The following HIPK1 variants were observed in gnomAD, a reference collection of about 807,000 sequenced individuals.
HIPK1 encodes the protein homeodomain-interacting protein kinase 1.
Under a neutral mutation model 117.1 loss-of-function variants are expected in HIPK1, and 28 were observed. The ratio of observed to expected loss-of-function variants is 0.24; its 90% CI spans 0.18 to 0.33. The LOEUF (loss-of-function observed/expected upper bound fraction) is 0.33, where lower values mean the gene tolerates loss of function less well. Among genes scored for constraint, HIPK1 ranks in the 10% least tolerant of loss-of-function variants. HIPK1 has a pLI of 1.00. For missense variants in HIPK1, 1,122 were observed against 1,475.1 expected (o/e 0.76, Z 3.92); for synonymous variants, 605 against 562.5 (o/e 1.08, Z -1.07).
Position 113,977,594 on chromosome 1 carries a change from A to G in HIPK1, c.*4082A>G, listed in dbSNP as rs1445885664. The G allele has an allele frequency of 1.3e-5, 2 of 152,748 alleles. No individual in the cohort carries two copies. The highest frequency in any genetic ancestry group is 4.8e-5 in the African/African-American group (2 of 41,462). The allele number at this position is 152,748 out of a possible 1,614,324, so 9.5% of individuals were successfully genotyped here. A position where few individuals can be genotyped will look rare whatever the true frequency, so the allele number is the denominator to read the frequency against. On this transcript the variant is annotated 3_prime_UTR_variant, in exon 16 of 16. Coordinates refer to ENST00000426820, the MANE Select transcript of HIPK1 (RefSeq NM_198268.3). ...ATGCAGATGTACTTAGGGAGTATGT[A>G]AAATAATCATTTTAACAAAAGAAAT...
At chr1:113,969,734 A>G (rs1041417797) in intron 13 of HIPK1, among the ~76,000 whole-genome samples, 3 of 152,010 alleles carry the variant, frequency 2.0e-5, no homozygotes, top group African/African-American at 4.8e-5. Flanking sequence ...ACATAGTGAC[A>G]TCTCATCACT....
rs748748292 is a variant in HIPK1, at chr1:113,973,494, C to T, written c.3615C>T (p.Ser1205=). 10 of 1,592,518 alleles carry T rather than the reference C, an allele frequency of 6.3e-6. No homozygotes were observed. The highest frequency in any genetic ancestry group is 1.7e-4 in the Middle Eastern group (1 of 5,968). Residue 1205 remains serine, a synonymous_variant, in exon 16 of 16, where the codon AGC becomes AGT. Transcript: ENST00000426820. The part of the protein sequence containing the change: ...TGYPLSPTKI[S]QYSYL ...ACCCGCTGAGTCCTACCAAGATCAG[C>T]CAGTATTCCTACTTATAGTTGGTGA... is the stretch of plus-strand genomic sequence containing the variant.
chr1:113,941,416 T>A lies in HIPK1; in HGVS notation c.1033T>A (p.Ser345Thr). 3 of 1,614,174 alleles carry A rather than the reference T, an allele frequency of 1.9e-6. No individual in the cohort carries two copies. The highest frequency in any genetic ancestry group is 2.5e-6 in the Non-Finnish European group (3 of 1,180,012). Residue 345 changes from serine (S) to threonine (T), a missense_variant, in exon 2 of 16, where the codon TCC becomes ACC. Around this residue, in one of 6 missense-constraint regions of HIPK1, gnomAD observed 127 missense variants for 197.9 expected, o/e 0.64. Transcript: ENST00000426820. This position sits in a 1 kb window ranked among gnomAD's most constrained non-coding sequence, Gnocchi z 4.9. ...VIDFGSASHV[S>T]KAVCSTYLQS... ...TGACTTTGGTTCTGCTAGTCACGTT[T>A]CCAAAGCTGTGTGCTCAACCTACTT... is the stretch of plus-strand genomic sequence containing the variant.
intron 15 of HIPK1, among the ~76,000 whole-genome samples, chr1:113,972,313 C>A (rs1196875215): frequency 1.3e-5 from 2 of 152,154 alleles, no homozygotes; most frequent in African/African-American, 4.8e-5. Context: ...CTGATCCTTA[C>A]ATTGTTTACT....
intron 2 of HIPK1, among the ~76,000 whole-genome samples, chr1:113,942,597 T>A (rs1670722028): frequency 6.6e-6 from 1 of 152,222 alleles, no homozygotes; most frequent in African/African-American, 2.4e-5. Context: ...TACTTTGAAC[T>A]TAATGGGTTA....
At chr1:113,959,411 A>T (rs920223290) in intron 8 of HIPK1, among the ~76,000 whole-genome samples, 1 of 152,216 alleles carries the variant, frequency 6.6e-6, no homozygotes, top group African/African-American at 2.4e-5. Flanking sequence ...CGTTTAGCCT[A>T]ACTTACCAAA....
At position 113,971,916 on chromosome 1, in the gene HIPK1, G is replaced by A. The variant is rs377426569; in HGVS notation, c.3106G>A (p.Gly1036Arg). The change falls in exon 15 of 16, where the codon GGG becomes AGG. Residue 1036 changes from glycine (G) to arginine (R), a missense_variant. By Grantham distance (125) the Gly-to-Arg change is moderately radical. Coordinates refer to ENST00000426820, the MANE Select transcript of HIPK1 (RefSeq NM_198268.3). ...CCCCACAGGGTATCGAGCTCAACGC[G>A]GGGGGACCAGTGCAGCACAACCACT... Reference protein sequence around the residue: ...ITPTGYRAQRGGTSAAQPLNL... With the variant: ...ITPTGYRAQRRGTSAAQPLNL... 100 of 1,607,076 alleles carry A rather than the reference G, an allele frequency of 6.2e-5. No homozygotes were observed. The highest frequency in any genetic ancestry group is 8.5e-5 in the Admixed American group (5 of 58,530).
At chr1:113,963,271 A>T in intron 9 of HIPK1, 116 bp from the exon 10 acceptor site, 1 of 1,199,162 alleles carries the variant, frequency 8.3e-7, no homozygotes, top group Non-Finnish European at 1.2e-6. Context: ...TGCATTTTAG[A>T]TGCTATCAAA....
In HIPK1 at chr1:113,973,094, C is replaced by T. The variant is rs774162042; in HGVS notation, c.3215C>T (p.Ala1072Val). The T allele has an allele frequency of 2.6e-6, 4 of 1,544,846 alleles. No individual in the cohort carries two copies. Among genetic ancestry groups the T allele is most frequent in the Non-Finnish European group, 3.5e-6 (4 of 1,144,684 alleles). Residue 1072 changes from alanine (A) to valine (V), a missense_variant, in exon 16 of 16, where the codon GCG becomes GTG. Physicochemically the swap from Ala to Val is moderately conservative, Grantham distance 64. This residue lies in a region of HIPK1 where 731 missense variants were observed against 860.4 expected (regional missense o/e 0.85). Coordinates refer to ENST00000426820, the MANE Select transcript of HIPK1 (RefSeq NM_198268.3). ...AACCCAGCCCCCCGCAGGCAGCAGG[C>T]GTTTGTGGCCCCTCTCTCCCAAGCC... is the stretch of plus-strand genomic sequence containing the variant. ...SSNPAPRRQQ[A>V]FVAPLSQAPY... is the part of the protein sequence containing the mutation.
chr1:113,941,821 G>A lies in HIPK1; in HGVS notation c.1076+362G>A, dbSNP rs560973511. On this transcript the variant is annotated intron_variant, in intron 2 of 15. Coordinates refer to ENST00000426820, the MANE Select transcript of HIPK1 (RefSeq NM_198268.3). This position sits in a 1 kb window ranked among gnomAD's most constrained non-coding sequence, Gnocchi z 4.9. ...GTCGCCCAGGCTGGAGTGCAGTGGCGTGATATCAGCTCACTGCAAGCCCCA... is the reference window on the plus strand; with the variant it reads ...GTCGCCCAGGCTGGAGTGCAGTGGCATGATATCAGCTCACTGCAAGCCCCA... Among the ~76,000 whole-genome samples, 2 of 152,020 alleles carry A rather than the reference G, an allele frequency of 1.3e-5. No individual in the cohort carries two copies. Among genetic ancestry groups the A allele is most frequent in the Non-Finnish European group, 2.9e-5 (2 of 67,998 alleles).
rs1329908126 is a variant in HIPK1, at chr1:113,941,301, C to A, written c.918C>A (p.Leu306=). ...LQQVATALMK[L]KSLGLIHADL... ...AGGTGGCCACAGCCTTGATGAAGCT[C>A]AAGAGTCTTGGTCTGATCCACGCTG... Residue 306 remains leucine (L), a synonymous_variant, in exon 2 of 16, where the codon CTC becomes CTA. Transcript: ENST00000426820. The surrounding 1 kb of genome is among the most constrained non-coding windows in gnomAD (Gnocchi z 4.9). The A allele has an allele frequency of 6.2e-7, 1 of 1,614,206 alleles. No individual in the cohort carries two copies. The highest frequency in any genetic ancestry group is 1.1e-5 in the South Asian group (1 of 91,086).
At chr1:113,953,893 C>T (rs531671655) in intron 3 of HIPK1, 1 of 152,184 alleles carries the variant, frequency 6.6e-6, no homozygotes, top group Admixed American at 6.5e-5. Context: ...TTTCACATCA[C>T]CAGTGTATCC....
chr1:113,944,176 T>G (rs1367891933), intron 2 of HIPK1, among the ~76,000 whole-genome samples: 2 of 135,616 alleles, frequency 1.5e-5, no homozygotes, highest in Non-Finnish European at 3.2e-5. Flanking sequence ...TTTTTTTTTT[T>G]TTTTTTTTTT....
chr1:113,955,824 T>A (rs1180055615), intron 5 of HIPK1, among the ~76,000 whole-genome samples, 175 bp downstream of exon 5: 1 of 152,166 alleles, frequency 6.6e-6, no homozygotes, highest in Non-Finnish European at 1.5e-5. Flanking sequence ...TAACCAAGTA[T>A]ATTTTTAGAA....
Position 113,971,939 on chromosome 1 carries a change from A to T in HIPK1, c.3129A>T (p.Pro1043=). 1 of 1,610,658 alleles carries T rather than the reference A, an allele frequency of 6.2e-7. No homozygotes were observed. Among genetic ancestry groups the T allele is most frequent in the Non-Finnish European group, 8.5e-7 (1 of 1,178,514 alleles). ...GCGGGGGGACCAGTGCAGCACAACC[A>T]CTCAATCTTAGCCAGGTAAGTGCTA... ...AQRGGTSAAQ[P]LNLSQNQQSS... is the part of the protein sequence containing the mutation. The change falls in exon 15 of 16, where the codon CCA becomes CCT. Residue 1043 remains proline, a synonymous_variant. Transcript: ENST00000426820.
At chr1:113,932,433 C>T (rs191063250) in intron 1 of HIPK1, among the ~76,000 whole-genome samples, 73 of 149,914 alleles carry the variant, frequency 4.9e-4, no homozygotes, top group Admixed American at 4.3e-3. Flanking sequence ...GTCGGAGTGC[C>T]GTGGTGGGTT....
intron 2 of HIPK1, chr1:113,951,045 GT>G (rs879840858): frequency 1.0e-4 from 18 of 174,466 alleles, no homozygotes; most frequent in East Asian, 1.9e-4. Flanking sequence ...AAAAAGATGT[GT>G]ATCTTAGAAT....
intron 2 of HIPK1, among the ~76,000 whole-genome samples, chr1:113,947,310 A>G (rs1671047447): frequency 6.6e-6 from 1 of 152,190 alleles, no homozygotes. Flanking sequence ...TACAGGCTGA[A>G]TGTTTTTCCC....
Position 113,941,753 on chromosome 1 carries a change from T to A in HIPK1, c.1076+294T>A, listed in dbSNP as rs552873664. Among the ~76,000 whole-genome samples, 67 of 151,926 alleles carry A rather than the reference T, an allele frequency of 4.4e-4. No homozygotes were observed. The highest frequency in any genetic ancestry group is 2.5e-3 in the East Asian group (13 of 5,188). On this transcript the variant is annotated intron_variant, in intron 2 of 15. Coordinates refer to ENST00000426820, the MANE Select transcript of HIPK1 (RefSeq NM_198268.3). This position sits in a 1 kb window ranked among gnomAD's most constrained non-coding sequence, Gnocchi z 4.9. ...TTACCTCATTTTCCCATTTTATTTATTTTATTTATTTATTTATTTATTTAG... is the reference window on the plus strand; with the variant it reads ...TTACCTCATTTTCCCATTTTATTTAATTTATTTATTTATTTATTTATTTAG...
Sources: gnomAD v4.1 joint callset for allele counts (sites outside exome capture counted in the v4.1 genomes callset) on GRCh38, gnomAD v4.1.1 for gene constraint, gnomAD v4.1.1 regional missense constraint, Gnocchi (gnomAD v3.1) non-coding constraint, MANE v1.5 for transcripts, NCBI Gene and HGNC (gene_info 2026-07-23, HGNC 2026-07-21) for gene names.